The following CCBE1 variants were observed in gnomAD, a reference collection of about 807,000 sequenced individuals.
CCBE1 encodes the protein collagen and calcium-binding EGF domain-containing protein 1.
A neutral mutation model predicts 50.0 loss-of-function variants in CCBE1; 37 were observed. The ratio of observed to expected loss-of-function variants is 0.74; its 90% CI spans 0.57 to 0.97. The LOEUF (loss-of-function observed/expected upper bound fraction) is 0.97, where lower values mean the gene tolerates loss of function less well. Among genes scored for constraint, CCBE1 ranks in the 50% least tolerant of loss-of-function variants. CCBE1 has a pLI of 0.00. For missense variants in CCBE1, 538 were observed against 523.8 expected, an observed-to-expected ratio of 1.03 and a Z score of -0.26; for synonymous variants, 234 against 203.7, an observed-to-expected ratio of 1.15 and a Z score of -1.27.
At chr18:59,677,270 G>A (rs929092653) in intron 2 of CCBE1, among the ~76,000 whole-genome samples, 7 of 152,166 alleles carry the variant, frequency 4.6e-5, no homozygotes, top group Admixed American at 2.6e-4. Flanking sequence ...TGATGCAAAG[G>A]AAATGTGAAA....
At chr18:59,460,425 C>T (rs1047525061) in intron 5 of CCBE1, among the ~76,000 whole-genome samples, 8 of 152,158 alleles carry the variant, frequency 5.3e-5, no homozygotes, top group Admixed American at 2.0e-4. Flanking sequence ...ATGACCATAA[C>T]GAAATATTGA....
At chr18:59,514,337 TG>T (rs1914268248) in intron 2 of CCBE1, among the ~76,000 whole-genome samples, 1 of 151,996 alleles carries the variant, frequency 6.6e-6, no homozygotes, top group Non-Finnish European at 1.5e-5. Flanking sequence ...GTAGCGCCCC[TG>T]ACACGGCTCC....
At chr18:59,507,262 C>T (rs76691071) in intron 2 of CCBE1, among the ~76,000 whole-genome samples, 1 of 152,312 alleles carries the variant, frequency 6.6e-6, no homozygotes, top group East Asian at 1.9e-4. Context: ...AAAGATCAAG[C>T]CCTGTCAGTT....
intron 2 of CCBE1, among the ~76,000 whole-genome samples, chr18:59,569,465 C>T (rs1245097228): frequency 1.3e-5 from 2 of 152,170 alleles, no homozygotes; most frequent in East Asian, 1.9e-4. Context: ...CACTGCAAGC[C>T]AGATACAAAC....
chr18:59,675,243 G>A (rs761191956), intron 2 of CCBE1, among the ~76,000 whole-genome samples: 3 of 152,164 alleles, frequency 2.0e-5, no homozygotes, highest in Non-Finnish European at 2.9e-5. Context: ...CTAGTAATGT[G>A]CATTATGCCC....
intron 2 of CCBE1, among the ~76,000 whole-genome samples, chr18:59,585,750 C>T (rs192648544): frequency 9.1e-4 from 139 of 152,306 alleles, no homozygotes; most frequent in African/African-American, 3.3e-3. Context: ...TGCATCATAG[C>T]CATACATTTT....
chr18:59,644,115 C>T (rs749599641), intron 2 of CCBE1, among the ~76,000 whole-genome samples: 5 of 152,126 alleles, frequency 3.3e-5, no homozygotes, highest in Non-Finnish European at 5.9e-5. Context: ...GAAACTGTTC[C>T]GCCTTAGATC....
chr18:59,618,412 A>C (rs2053665881), intron 2 of CCBE1, among the ~76,000 whole-genome samples: 1 of 151,996 alleles, frequency 6.6e-6, no homozygotes, highest in Non-Finnish European at 1.5e-5. Context: ...AGACACATAC[A>C]TCTAACATAT....
At chr18:59,691,065 C>G (rs1468646593) in intron 2 of CCBE1, among the ~76,000 whole-genome samples, 2 of 152,230 alleles carry the variant, frequency 1.3e-5, no homozygotes, top group Non-Finnish European at 2.9e-5. Flanking sequence ...GTCTTCCTAG[C>G]TCAGATTTTA....
rs138643293 is a variant in CCBE1 at position 59,615,400 on chromosome 18, A to G, written c.212+81229T>C. 4.1e-3 allele frequency among the ~76,000 whole-genome samples: 630 copies of G among 152,264 alleles called. 5 individuals carry two copies. Among genetic ancestry groups the G allele is most frequent in the African/African-American group, 0.014 (587 of 41,544 alleles). On this transcript the variant is annotated intron_variant, in intron 2 of 10. Transcript: ENST00000439986. ...ATTTCACCCACACAATTCTTTCTGAATAAGTAGCTTTCTGTCTACTCAGAT... is the reference window on the plus strand; with the variant it reads ...ATTTCACCCACACAATTCTTTCTGAGTAAGTAGCTTTCTGTCTACTCAGAT...
intron 2 of CCBE1, among the ~76,000 whole-genome samples, chr18:59,480,753 A>ATT (rs10636742): frequency 0.31 from 46,820 of 149,952 alleles, 7,693 homozygotes; most frequent in African/African-American, 0.42. Context: ...CATTTGAGTG[A>ATT]TTTTTTTTTT....
At chr18:59,621,257 C>T (rs1009026354) in intron 2 of CCBE1, among the ~76,000 whole-genome samples, 1 of 152,210 alleles carries the variant, frequency 6.6e-6, no homozygotes, top group Non-Finnish European at 1.5e-5. Context: ...AGAGTTCCTG[C>T]AGCTGTGTTT....
chr18:59,543,831 T>C (rs775692744), intron 2 of CCBE1, among the ~76,000 whole-genome samples: 2 of 34,214 alleles, frequency 5.8e-5, no homozygotes, highest in East Asian at 1.4e-3. Flanking sequence ...CGAGACTCCG[T>C]CTCAAAAAAA....
intron 2 of CCBE1, among the ~76,000 whole-genome samples, chr18:59,593,712 ACT>A (rs2053307443): frequency 6.6e-6 from 1 of 152,210 alleles, no homozygotes; most frequent in Non-Finnish European, 1.5e-5. Flanking sequence ...ACATTCAAAC[ACT>A]CACAACATTG....
At chr18:59,683,396 T>C (rs923394091) in intron 2 of CCBE1, among the ~76,000 whole-genome samples, 1 of 152,036 alleles carries the variant, frequency 6.6e-6, no homozygotes. Context: ...GAATTTTTCT[T>C]TTTTTAAAAA....
intron 2 of CCBE1, among the ~76,000 whole-genome samples, chr18:59,655,550 T>A (rs534360738): frequency 6.6e-6 from 1 of 152,300 alleles, no homozygotes; most frequent in Non-Finnish European, 1.5e-5. Flanking sequence ...GGCAATGAAG[T>A]CTCTGTTTCC....
chr18:59,609,094 A>C (rs183649003), intron 2 of CCBE1, among the ~76,000 whole-genome samples: 1 of 152,276 alleles, frequency 6.6e-6, no homozygotes, highest in East Asian at 1.9e-4. Context: ...TCTATCTTCG[A>C]GACAGCACTT....
intron 2 of CCBE1, among the ~76,000 whole-genome samples, chr18:59,528,077 A>G (rs1267889346): frequency 6.6e-6 from 1 of 152,178 alleles, no homozygotes; most frequent in African/African-American, 2.4e-5. Context: ...TATGTTTTCC[A>G]ACTTGGCTCT....
chr18:59,547,035 A>AGG (rs1915712955), intron 2 of CCBE1, among the ~76,000 whole-genome samples: 1 of 77,850 alleles, frequency 1.3e-5, no homozygotes, highest in Non-Finnish European at 2.3e-5. Context: ...GGGAGAGAGA[A>AGG]AGAGAGGGGG....
Sources: allele counts gnomAD v4.1 joint callset (sites outside exome capture counted in the v4.1 genomes callset), GRCh38; gene constraint gnomAD v4.1.1; transcripts MANE v1.5; gene names NCBI Gene and HGNC (gene_info 2026-07-23, HGNC 2026-07-21).